The following APBA2 variants were observed in gnomAD, a reference collection of about 807,000 sequenced individuals.
APBA2 encodes amyloid beta precursor protein binding family A member 2.
APBA2 carries 30 observed loss-of-function variants against 75.0 expected under a neutral mutation model. The ratio of observed to expected loss-of-function variants is 0.40; its 90% confidence interval spans 0.30 to 0.54. APBA2 has a LOEUF of 0.54. Among genes scored for constraint, APBA2 ranks in the 20% least tolerant of loss-of-function variants. The pLI is 0.49. For missense variants in APBA2, 801 were observed against 1,016.1 expected (o/e 0.79, Z 2.88); for synonymous variants, 444 against 409.6 (o/e 1.08, Z -1.01).
chr15:29,116,376 C>T (rs1381417296), intron 14 of APBA2, among the ~76,000 whole-genome samples: 3 of 152,086 alleles, frequency 2.0e-5, no homozygotes, highest in Non-Finnish European at 2.9e-5. Context: ...CCTGTAATCC[C>T]AGCACTTTGG....
intron 4 of APBA2, among the ~76,000 whole-genome samples, chr15:29,066,572 G>A (rs2042387498): frequency 6.6e-6 from 1 of 152,058 alleles, no homozygotes; most frequent in Admixed American, 6.6e-5. Flanking sequence ...TGGGGAGCTG[G>A]TGTTTAATGG....
chr15:29,045,058 TC>T (rs1449577995), intron 3 of APBA2, among the ~76,000 whole-genome samples: 1 of 142,290 alleles, frequency 7.0e-6, no homozygotes, highest in African/African-American at 2.9e-5. Context: ...CCTCTCTCCC[TC>T]CCTCCCTCCT....
intron 2 of APBA2, among the ~76,000 whole-genome samples, chr15:28,979,278 A>G (rs1262979305): frequency 2.0e-5 from 3 of 151,934 alleles, no homozygotes; most frequent in Non-Finnish European, 4.4e-5. Flanking sequence ...CTGTCCCTCA[A>G]GCCGTATTCC....
At chr15:29,014,015 TC>T in intron 3 of APBA2, among the ~76,000 whole-genome samples, 2 of 152,338 alleles carry the variant, frequency 1.3e-5, no homozygotes, top group Admixed American at 1.3e-4. Flanking sequence ...TATTTTTACA[TC>T]CCCTTCAAGT....
chr15:29,001,992 A>G (rs138278524), intron 3 of APBA2, among the ~76,000 whole-genome samples: 9 of 152,276 alleles, frequency 5.9e-5, no homozygotes, highest in African/African-American at 2.2e-4. Context: ...TTCTCAAACT[A>G]TATTCTGAGG....
chr15:28,957,076 T>C (rs1169550125), intron 2 of APBA2, among the ~76,000 whole-genome samples: 1 of 149,178 alleles, frequency 6.7e-6, no homozygotes, highest in East Asian at 1.9e-4. Context: ...TTTTCTTTTT[T>C]TTTCTTTTTC....
chr15:28,907,210 A>G (rs2033175747), intron 1 of APBA2, among the ~76,000 whole-genome samples: 1 of 152,150 alleles, frequency 6.6e-6, no homozygotes, highest in South Asian at 2.1e-4. Context: ...AGGAGTATTC[A>G]GTTTTCCAGC....
chr15:28,985,714 G>A (rs371691287), intron 2 of APBA2, among the ~76,000 whole-genome samples: 8 of 152,352 alleles, frequency 5.3e-5, no homozygotes, highest in African/African-American at 1.7e-4. Flanking sequence ...TACAGATGGG[G>A]TCTCCTGGAT....
chr15:29,094,269 T>C lies in APBA2; in HGVS notation c.1216-9T>C, dbSNP rs79272756. On this transcript the variant is annotated splice_polypyrimidine_tract_variant and intron_variant, in intron 7 of 14. Coordinates refer to ENST00000683413, the MANE Select transcript of APBA2 (RefSeq NM_001353788.2). ...CAACTTGTTTTTCTTTTCTCTTCCA[T>C]GCTGTCAGAGGATGCAAAAGGCTGC... 15,468 of 1,614,074 alleles carry C rather than the reference T, an allele frequency of 9.6e-3. 144 individuals are homozygous for C. The highest frequency in any genetic ancestry group is 0.048 in the African/African-American group (3,575 of 75,032).
intron 2 of APBA2, among the ~76,000 whole-genome samples, chr15:28,962,441 C>T (rs575888345): frequency 3.9e-5 from 6 of 152,008 alleles, no homozygotes; most frequent in East Asian, 1.9e-4. Flanking sequence ...TGGTGGCGGG[C>T]GCCTGTAGTC....
chr15:29,082,719 A>C lies in APBA2; in HGVS notation c.1069+6628A>C, dbSNP rs1489859087. 4.6e-5 allele frequency among the ~76,000 whole-genome samples: 7 copies of C among 152,168 alleles called. No individual in the cohort carries two copies. The East Asian group carries it at 1.4e-3, about 29-fold the overall frequency. On this transcript the variant is annotated intron_variant, in intron 6 of 14. Transcript: ENST00000683413. ...CAGTCTTTTTCCTTTGAGCTTACTG[A>C]GTTTTTGAGGTTAGTGTGACCATCA...
At chr15:28,949,255 T>C (rs559552670) in intron 2 of APBA2, among the ~76,000 whole-genome samples, 2 of 152,174 alleles carry the variant, frequency 1.3e-5, no homozygotes, top group East Asian at 3.9e-4. Context: ...AGGTGTGTAT[T>C]CATGTGTGCA....
In APBA2 at chr15:28,886,243, C is replaced by G. The variant is rs983372848; in HGVS notation, c.-240C>G. 5 of 150,798 alleles carry G rather than the reference C, an allele frequency of 3.3e-5. No homozygotes were observed. The highest frequency in any genetic ancestry group is 4.1e-4 in the South Asian group (2 of 4,832). 9.3% of individuals were successfully genotyped at this position (150,798 alleles called of 1,614,324 possible). A position where few individuals can be genotyped will look rare whatever the true frequency, so the allele number is the denominator to read the frequency against. ...TGAGCCGGCGGCAGCGGGGCGGGGA[C>G]GGCGGCGTACCCGGGCAGCCCAGCG... On this transcript the variant is annotated 5_prime_UTR_variant, in exon 1 of 15. Coordinates refer to ENST00000683413, the MANE Select transcript of APBA2 (RefSeq NM_001353788.2).
At chr15:28,946,752 A>AT (rs1566828936) in intron 2 of APBA2, among the ~76,000 whole-genome samples, 4 of 151,884 alleles carry the variant, frequency 2.6e-5, no homozygotes, top group Admixed American at 6.6e-5. Flanking sequence ...TAATTTTTGC[A>AT]TTTTTTTGTA....
intron 3 of APBA2, among the ~76,000 whole-genome samples, chr15:29,048,476 G>A (rs1221640792): frequency 6.6e-6 from 1 of 152,178 alleles, no homozygotes; most frequent in Non-Finnish European, 1.5e-5. Context: ...TGTGAAAATA[G>A]CAGGGGAAGA....
At chr15:28,886,621 G>A (rs1004621367) in intron 1 of APBA2, among the ~76,000 whole-genome samples, 4 of 151,996 alleles carry the variant, frequency 2.6e-5, no homozygotes, top group Non-Finnish European at 4.4e-5. Flanking sequence ...GGGGCTGTCC[G>A]CTCGACTCCT....
intron 3 of APBA2, among the ~76,000 whole-genome samples, chr15:29,023,638 T>C (rs1347998229): frequency 6.6e-6 from 1 of 151,756 alleles, no homozygotes; most frequent in Non-Finnish European, 1.5e-5. Flanking sequence ...GTATTTTTAG[T>C]AGAGATGGAG....
intron 2 of APBA2, among the ~76,000 whole-genome samples, chr15:28,951,647 C>T (rs1465151404): frequency 4.6e-5 from 7 of 151,906 alleles, no homozygotes; most frequent in South Asian, 2.1e-4. Flanking sequence ...TGCAGTGGCA[C>T]GATCTCCACT....
At chr15:29,037,103 A>C (rs553277613) in intron 3 of APBA2, among the ~76,000 whole-genome samples, 21 of 150,110 alleles carry the variant, frequency 1.4e-4, no homozygotes, top group Admixed American at 9.9e-4. Context: ...AAATTGTTTA[A>C]AATAAGCTAG....
Sources: allele counts gnomAD v4.1 joint callset (sites outside exome capture counted in the v4.1 genomes callset), GRCh38; gene constraint gnomAD v4.1.1; transcripts MANE v1.5; gene names NCBI Gene and HGNC (gene_info 2026-07-23, HGNC 2026-07-21).